The following APPL2 variants were observed in gnomAD, a reference collection of about 807,000 sequenced individuals.
APPL2 encodes adaptor protein, phosphotyrosine interacting with PH domain and leucine zipper 2.
A neutral mutation model predicts 92.7 loss-of-function variants in APPL2; 84 were observed. That is an observed-to-expected ratio of 0.91 (90% CI 0.76 to 1.09). APPL2 has a LOEUF of 1.09. APPL2 is among the 50% of genes least tolerant of loss of function. APPL2 has a pLI of 0.00. For synonymous variants in APPL2, 291 were observed against 291.0 expected (o/e 1.00, Z 0.00); for missense variants, 736 against 824.5 (o/e 0.89, Z 1.31).
rs1218261508 is a variant in APPL2 at position 105,195,257 on chromosome 12, T to C, written c.1241+4A>G. On this transcript the variant is annotated splice_donor_region_variant and intron_variant, in intron 14 of 20. Coordinates refer to ENST00000258530, the MANE Select transcript of APPL2 (RefSeq NM_018171.5). ...AAGCTAGTTTTTCTTTGTCCTTTAG[T>C]TACCTGGGGCATGAGCTTTCTTGTT... 6.2e-7 allele frequency: 1 copy of C among 1,613,954 alleles called. No individual in the cohort carries two copies. The highest frequency in any genetic ancestry group is 2.2e-5 in the East Asian group (1 of 44,900).
chr12:105,186,444 T>A (rs1886613452), intron 17 of APPL2, among the ~76,000 whole-genome samples: 1 of 151,986 alleles, frequency 6.6e-6, no homozygotes, highest in Admixed American at 6.6e-5. Flanking sequence ...CTATGAACAT[T>A]TGCGTATAAG....
chr12:105,228,001 AGGCTCTCTG>A (rs1890648293), intron 2 of APPL2, among the ~76,000 whole-genome samples: 1 of 152,124 alleles, frequency 6.6e-6, no homozygotes, highest in African/African-American at 2.4e-5. Flanking sequence ...GGCCCCTCTA[AGGCTCTCTG>A]GTGATTGCTT....
At chr12:105,191,536 A>G (rs754521521) in intron 14 of APPL2, among the ~76,000 whole-genome samples, 4 of 152,158 alleles carry the variant, frequency 2.6e-5, no homozygotes, top group Non-Finnish European at 5.9e-5. Context: ...GGGGAGATAG[A>G]TAACAATCAA....
intron 20 of APPL2, 71 bp downstream of exon 20, chr12:105,175,963 GA>G: frequency 7.2e-7 from 1 of 1,395,902 alleles, no homozygotes; most frequent in South Asian, 1.4e-5. Context: ...TTTTCTTTTT[GA>G]AAAGACTCTT....
chr12:105,230,521 G>A (rs1890847105), intron 1 of APPL2, among the ~76,000 whole-genome samples: 1 of 152,176 alleles, frequency 6.6e-6, no homozygotes, highest in Non-Finnish European at 1.5e-5. Flanking sequence ...CCTTTGAGGT[G>A]ATATCAAAGC....
chr12:105,186,238 T>C (rs971592680), intron 17 of APPL2, among the ~76,000 whole-genome samples: 14 of 152,196 alleles, frequency 9.2e-5, no homozygotes, highest in African/African-American at 3.4e-4. Flanking sequence ...TTTACCAGGA[T>C]GAGCATCCCA....
Position 105,195,630 on chromosome 12 carries a change from G to T in APPL2, c.1053-3C>A. On this transcript the variant is annotated splice_region_variant and splice_polypyrimidine_tract_variant and intron_variant, in intron 11 of 20. Transcript: ENST00000258530. ...TCTCAGCCTGGAGGATTATTCCCCT[G>T]AAACAAAAGTGTCTAAGTAATTAAG... 2 of 1,614,132 alleles carry T rather than the reference G, an allele frequency of 1.2e-6. No individual in the cohort carries two copies.
In APPL2 at chr12:105,188,325, T is replaced by C; in HGVS notation, c.1582A>G (p.Asn528Asp). 1 of 1,614,230 alleles carries C rather than the reference T, an allele frequency of 6.2e-7. No individual in the cohort carries two copies. Among genetic ancestry groups the C allele is most frequent in the Non-Finnish European group, 8.5e-7 (1 of 1,180,036 alleles). ...TGGGATTCTGTCATGCGGAAGATGT[T>C]ATGAATAGCCCGAGCAGCCAATACT... ...RQVLAARAIH[N>D]IFRMTESHLM... Residue 528 changes from asparagine (N) to aspartate (D), a missense_variant, in exon 17 of 21, where the codon AAC (asparagine) becomes GAC (aspartate). Coordinates refer to ENST00000258530, the MANE Select transcript of APPL2 (RefSeq NM_018171.5).
At chr12:105,225,110 A>T (rs2136076211) in intron 2 of APPL2, among the ~76,000 whole-genome samples, 1 of 152,130 alleles carries the variant, frequency 6.6e-6, no homozygotes, top group South Asian at 2.1e-4. Flanking sequence ...TGAGAGTCTT[A>T]ATCACGGTTC....
intron 17 of APPL2, 45 bp from the exon 18 acceptor site, chr12:105,177,307 T>G (rs745365981): frequency 1.9e-6 from 3 of 1,568,242 alleles, no homozygotes; most frequent in African/African-American, 1.4e-5. Context: ...TTGGATAAAT[T>G]TAATATTCCT....
chr12:105,227,128 T>TAA (rs1250588167), intron 2 of APPL2, among the ~76,000 whole-genome samples: 22 of 77,266 alleles, frequency 2.8e-4, no homozygotes, highest in African/African-American at 1.5e-3. Context: ...CTCTGAAAAT[T>TAA]AAAAATAAAA....
chr12:105,178,586 C>G (rs1055523762), intron 17 of APPL2, among the ~76,000 whole-genome samples: 8 of 152,142 alleles, frequency 5.3e-5, no homozygotes, highest in Non-Finnish European at 1.0e-4. Flanking sequence ...GAAATACGTG[C>G]AGTTACACTT....
intron 17 of APPL2, among the ~76,000 whole-genome samples, chr12:105,178,723 C>G (rs1885798648): frequency 6.6e-6 from 1 of 152,116 alleles, no homozygotes; most frequent in Non-Finnish European, 1.5e-5. Context: ...GTAAGAACCC[C>G]CACTTCCAAG....
chr12:105,182,093 C>T (rs1327069499), intron 17 of APPL2, among the ~76,000 whole-genome samples: 5 of 152,134 alleles, frequency 3.3e-5, no homozygotes, highest in African/African-American at 4.8e-5. Context: ...GGCATGATCT[C>T]GGCTCACTGC....
At chr12:105,224,170 G>C (rs2136073098) in intron 2 of APPL2, among the ~76,000 whole-genome samples, 1 of 152,294 alleles carries the variant, frequency 6.6e-6, no homozygotes, top group South Asian at 2.1e-4. Context: ...TCATTACCAA[G>C]AGCCATTCAC....
chr12:105,216,811 C>A (rs1214757417), intron 4 of APPL2, among the ~76,000 whole-genome samples: 1 of 152,202 alleles, frequency 6.6e-6, no homozygotes, highest in African/African-American at 2.4e-5. Flanking sequence ...AATATACTCT[C>A]CTTTAGAAAC....
At chr12:105,235,140 C>T (rs1351643234) in intron 1 of APPL2, 1 of 152,050 alleles carries the variant, frequency 6.6e-6, no homozygotes, top group African/African-American at 2.4e-5. Flanking sequence ...TTAAATAAAC[C>T]CGGGATGCTG....
At chr12:105,223,193 G>C (rs1197222769) in intron 2 of APPL2, among the ~76,000 whole-genome samples, 1 of 152,190 alleles carries the variant, frequency 6.6e-6, no homozygotes, top group Non-Finnish European at 1.5e-5. Flanking sequence ...GAATGAAAAG[G>C]GGAAGACGTC....
At chr12:105,231,278 AC>A (rs1256796825) in intron 1 of APPL2, among the ~76,000 whole-genome samples, 1 of 145,120 alleles carries the variant, frequency 6.9e-6, no homozygotes, top group Non-Finnish European at 1.5e-5. Context: ...ATAAAAACAG[AC>A]TGGAAGAAAA....
Sources: gnomAD v4.1 joint callset for allele counts (sites outside exome capture counted in the v4.1 genomes callset) on GRCh38, gnomAD v4.1.1 for gene constraint, MANE v1.5 for transcripts, NCBI Gene and HGNC (gene_info 2026-07-23, HGNC 2026-07-21) for gene names.